Variants in MRTFB observed in about 807,000 individuals in gnomAD.
The protein encoded by MRTFB is myocardin-related transcription factor B.
A neutral mutation model predicts 104.2 loss-of-function variants in MRTFB; 29 were observed. The ratio of observed to expected loss-of-function variants is 0.28; its 90% CI spans 0.21 to 0.38. The LOEUF (loss-of-function observed/expected upper bound fraction) is 0.38. Ranked by LOEUF, MRTFB falls within the 10% of genes least tolerant of loss-of-function variation. MRTFB has a pLI of 1.00. For synonymous variants in MRTFB, 535 were observed against 519.5 expected (o/e 1.03, Z -0.41); for missense variants, 1,270 against 1,341.6 (o/e 0.95, Z 0.83).
At chr16:14,185,854 A>G (rs1427608608) in intron 3 of MRTFB, among the ~76,000 whole-genome samples, 1 of 152,208 alleles carries the variant, frequency 6.6e-6, no homozygotes, top group African/African-American at 2.4e-5. Context: ...AGACTGGCTT[A>G]TCTCCACATT....
At chr16:14,106,531 T>C (rs797012636) in intron 2 of MRTFB, among the ~76,000 whole-genome samples, 6 of 152,294 alleles carry the variant, frequency 3.9e-5, no homozygotes, top group African/African-American at 1.4e-4. Flanking sequence ...TGTGAGTGAG[T>C]TATTTAGCCT....
At chr16:14,022,937 C>A in the MRTFB span, among the ~76,000 whole-genome samples, 5 of 151,892 alleles carry the variant, frequency 3.3e-5, no homozygotes, top group Admixed American at 2.6e-4. Context: ...CCTCAAGTGA[C>A]CACCGGCCTC....
chr16:14,251,376 CAAA>C (rs776143724), intron 13 of MRTFB, among the ~76,000 whole-genome samples: 1 of 44,706 alleles, frequency 2.2e-5, no homozygotes. Flanking sequence ...GACTCCGTCT[CAAA>C]AAAAAAAAAA....
At chr16:14,051,195 GA>G in the MRTFB span, among the ~76,000 whole-genome samples, 1 of 151,510 alleles carries the variant, frequency 6.6e-6, no homozygotes, top group Non-Finnish European at 1.5e-5. Flanking sequence ...AACATTCACA[GA>G]GACAGACACA....
At chr16:14,144,592 T>C (rs1174241760) in intron 3 of MRTFB, 1 of 152,194 alleles carries the variant, frequency 6.6e-6, no homozygotes, top group Non-Finnish European at 1.5e-5. Flanking sequence ...GAAATAATGA[T>C]GTGTTAATTC....
At chr16:14,187,347 T>C (rs2039992886) in intron 3 of MRTFB, among the ~76,000 whole-genome samples, 1 of 152,224 alleles carries the variant, frequency 6.6e-6, no homozygotes, top group South Asian at 2.1e-4. Flanking sequence ...CTCTTCCCTC[T>C]GTCTTTTCGG....
In MRTFB at chr16:14,261,272, G is replaced by A. The variant is rs751695286; in HGVS notation, c.3128G>A (p.Gly1043Asp). The part of the protein sequence containing the change: ...METSETQFAA[G>D]TPCLSLDLSD... ...ACTTCCGAGACCCAGTTTGCTGCAG[G>A]TACTCCCTGTCTGTCTCTCGACCTG... Residue 1043 changes from glycine to aspartate, a missense_variant, in exon 17 of 17, where the codon GGT (glycine) becomes GAT (aspartate). Physicochemically the swap from Gly to Asp is moderately conservative, Grantham distance 94. Transcript: ENST00000571589. 6.2e-7 allele frequency: 1 copy of A among 1,614,042 alleles called. No homozygotes were observed. The highest frequency in any genetic ancestry group is 8.5e-7 in the Non-Finnish European group (1 of 1,180,024).
chr16:14,090,364 T>C (rs2034980847), intron 2 of MRTFB, among the ~76,000 whole-genome samples: 1 of 152,208 alleles, frequency 6.6e-6, no homozygotes, highest in African/African-American at 2.4e-5. Flanking sequence ...ACACCCAATG[T>C]GCTTTTTTGT....
chr16:14,127,929 A>ATATATATATATATAT (rs1393344981), intron 2 of MRTFB, among the ~76,000 whole-genome samples: 2 of 44,634 alleles, frequency 4.5e-5, no homozygotes, highest in African/African-American at 3.6e-4. Flanking sequence ...ATATATATAT[A>ATATATATATATATAT]TTTTTTTTTT....
chr16:14,042,736 C>T, the MRTFB span, among the ~76,000 whole-genome samples: 1 of 152,110 alleles, frequency 6.6e-6, no homozygotes, highest in South Asian at 2.1e-4. Flanking sequence ...TGAATTCCTG[C>T]CTGTTACGTT....
chr16:14,010,449 C>G, the MRTFB span, among the ~76,000 whole-genome samples: 1 of 152,080 alleles, frequency 6.6e-6, no homozygotes, highest in Non-Finnish European at 1.5e-5. Context: ...GCTGGGGCCA[C>G]AGGCTCAGGC....
chr16:14,035,036 C>A, the MRTFB span, among the ~76,000 whole-genome samples: 1 of 152,180 alleles, frequency 6.6e-6, no homozygotes. Flanking sequence ...GAAACATGGT[C>A]GGAAAGTACC....
chr16:14,250,457 C>T (rs1231759024), intron 13 of MRTFB, among the ~76,000 whole-genome samples: 1 of 152,194 alleles, frequency 6.6e-6, no homozygotes, highest in Non-Finnish European at 1.5e-5. Flanking sequence ...TTTGGAGTTC[C>T]ACAGCAAGAA....
intron 2 of MRTFB, among the ~76,000 whole-genome samples, chr16:14,092,501 C>G (rs1567313155): frequency 6.6e-6 from 1 of 152,110 alleles, no homozygotes; most frequent in African/African-American, 2.4e-5. Flanking sequence ...ATTTTTATGT[C>G]CAGGTAATGA....
intron 2 of MRTFB, among the ~76,000 whole-genome samples, chr16:14,082,915 A>G (rs2034494451): frequency 6.6e-6 from 1 of 152,178 alleles, no homozygotes; most frequent in South Asian, 2.1e-4. Context: ...TGGTATTTTG[A>G]TAAGGATTGC....
At chr16:14,172,261 C>T (rs1567412425) in intron 3 of MRTFB, among the ~76,000 whole-genome samples, 2 of 152,084 alleles carry the variant, frequency 1.3e-5, no homozygotes, top group African/African-American at 2.4e-5. Context: ...ATTTTATTTC[C>T]TCTTCTTTCT....
chr16:14,232,038 G>A (rs868410320), intron 8 of MRTFB, among the ~76,000 whole-genome samples: 3 of 152,092 alleles, frequency 2.0e-5, no homozygotes, highest in Admixed American at 1.3e-4. Context: ...AGAAATTTAG[G>A]CAAGACATCA....
At chr16:14,107,440 A>G (rs1160105508) in intron 2 of MRTFB, among the ~76,000 whole-genome samples, 2 of 152,138 alleles carry the variant, frequency 1.3e-5, no homozygotes, top group African/African-American at 4.8e-5. Context: ...CACATCTGTC[A>G]TTTTCATTTT....
intron 3 of MRTFB, among the ~76,000 whole-genome samples, chr16:14,198,287 CAT>C (rs2040528215): frequency 1.3e-5 from 2 of 152,204 alleles, no homozygotes; most frequent in African/African-American, 2.4e-5. Flanking sequence ...TTGCTATGGA[CAT>C]GTGTGTACAT....
Sources: allele counts gnomAD v4.1 joint callset (sites outside exome capture counted in the v4.1 genomes callset), GRCh38; gene constraint gnomAD v4.1.1; transcripts MANE v1.5; gene names NCBI Gene and HGNC (gene_info 2026-07-23, HGNC 2026-07-21).